Variants in CRYBG1 observed in about 807,000 individuals in gnomAD.
CRYBG1 encodes crystallin beta-gamma domain containing 1, also known as beta/gamma crystallin domain-containing protein 1.
CRYBG1 carries 139 observed loss-of-function variants against 189.2 expected under a neutral mutation model. That is an observed-to-expected ratio of 0.73 (90% CI 0.64 to 0.85). The LOEUF (loss-of-function observed/expected upper bound fraction) is 0.85, where lower values mean the gene tolerates loss of function less well. CRYBG1 is among the 40% of genes least tolerant of loss of function. The pLI is 0.00. For missense variants in CRYBG1, 2,611 were observed against 2,675.8 expected (o/e 0.98, Z 0.53); for synonymous variants, 1,023 against 1,017.1 (o/e 1.01, Z -0.11).
At position 106,392,422 on chromosome 6, in the gene CRYBG1, CAAAT is replaced by C. The variant is rs1364679062; in HGVS notation, c.173+31345_173+31348del. On this transcript the variant is annotated intron_variant, in intron 1 of 21. Transcript: ENST00000633556. Reference sequence around the variant, plus strand: ...ATGTCAGGACAGAAAAATAACAAGACAAATAAAGAATCAGAGTAAAGAGGCAGCA... The same window carrying C: ...ATGTCAGGACAGAAAAATAACAAGACAAAGAATCAGAGTAAAGAGGCAGCA... 1.2e-4 allele frequency among the ~76,000 whole-genome samples: 18 copies of C among 152,060 alleles called. No individual in the cohort carries two copies. The East Asian group carries it at 3.3e-3, about 28-fold the overall frequency.
rs144133205 is a variant in CRYBG1, at chr6:106,520,359, C to T, written c.3151C>T (p.Leu1051=). The T allele has an allele frequency of 2.5e-6, 4 of 1,614,124 alleles. No individual in the cohort carries two copies. The highest frequency in any genetic ancestry group is 3.3e-5 in the Admixed American group (2 of 60,014). ...QAQSQGSRTP[L]MAESSPTNSP... ...TCAAAGTCAGGGCAGCAGAACACCC[C>T]TGATGGCTGAATCCAGTCCCACCAA... Residue 1051 remains leucine (L), a synonymous_variant, in exon 4 of 22, where the codon CTG becomes TTG. Coordinates refer to ENST00000633556, the MANE Select transcript of CRYBG1 (RefSeq NM_001371242.2).
At chr6:106,429,824 C>A (rs1044287617) in intron 1 of CRYBG1, among the ~76,000 whole-genome samples, 1 of 152,170 alleles carries the variant, frequency 6.6e-6, no homozygotes. Context: ...AAAATGCATA[C>A]TTAGCACAGT....
At chr6:106,488,168 C>T (rs570622243) in intron 2 of CRYBG1, among the ~76,000 whole-genome samples, 1 of 152,268 alleles carries the variant, frequency 6.6e-6, no homozygotes, top group African/African-American at 2.4e-5. Flanking sequence ...GGGCACTAAG[C>T]TGGTTGTTTG....
chr6:106,498,100 TAAA>T (rs11295015), intron 2 of CRYBG1, among the ~76,000 whole-genome samples: 10 of 123,376 alleles, frequency 8.1e-5, no homozygotes, highest in African/African-American at 1.5e-4. Context: ...GACTCCGTCT[TAAA>T]AAAAAAAAAA....
intron 21 of CRYBG1, among the ~76,000 whole-genome samples, 186 bp from the exon 22 acceptor site, chr6:106,568,286 A>C (rs1277546310): frequency 6.6e-6 from 1 of 152,176 alleles, no homozygotes; most frequent in East Asian, 1.9e-4. Context: ...AGATTCACCC[A>C]TGGCAGGTTG....
chr6:106,381,419 T>C (rs1002519759), intron 1 of CRYBG1, among the ~76,000 whole-genome samples: 4 of 152,054 alleles, frequency 2.6e-5, no homozygotes, highest in Non-Finnish European at 5.9e-5. Flanking sequence ...CTTTCAACCA[T>C]GAATTCTAAG....
chr6:106,361,131 TCTC>T lies in CRYBG1; in HGVS notation c.173+53_173+55del. 2.7e-6 allele frequency: 4 copies of T among 1,503,180 alleles called. No homozygotes were observed. The South Asian group carries it at 3.8e-5, about 14-fold the overall frequency. The allele number at this position is 1,503,180 out of a possible 1,614,324, so 93.1% of individuals were successfully genotyped here. A position where few individuals can be genotyped will look rare whatever the true frequency, so the allele number is the denominator to read the frequency against. ...AGTCCCACCTCCTCCTCCTCCTCCT[TCTC>T]CTGCTGCGCTAGCCCTTGGACTCCT... On this transcript the variant is annotated intron_variant, in intron 1 of 21. Coordinates refer to ENST00000633556, the MANE Select transcript of CRYBG1 (RefSeq NM_001371242.2).
At chr6:106,365,616 G>T (rs1173212142) in intron 1 of CRYBG1, among the ~76,000 whole-genome samples, 1 of 150,562 alleles carries the variant, frequency 6.6e-6, no homozygotes, top group Non-Finnish European at 1.5e-5. Context: ...ATTAGAAGTG[G>T]GTCCTTAGCT....
intron 2 of CRYBG1, among the ~76,000 whole-genome samples, chr6:106,456,783 C>T (rs945029606): frequency 1.3e-5 from 2 of 152,122 alleles, no homozygotes; most frequent in South Asian, 2.1e-4. Context: ...AATCTCACCT[C>T]GTTTCTTAGA....
intron 1 of CRYBG1, among the ~76,000 whole-genome samples, chr6:106,378,888 G>T (rs957772032): frequency 6.6e-5 from 10 of 152,140 alleles, no homozygotes; most frequent in Admixed American, 6.5e-4. Context: ...GGTGGCTCAT[G>T]CCTATAATCC....
At chr6:106,385,967 T>G (rs1156947361) in intron 1 of CRYBG1, among the ~76,000 whole-genome samples, 1 of 152,182 alleles carries the variant, frequency 6.6e-6, no homozygotes, top group African/African-American at 2.4e-5. Flanking sequence ...CTGTTCTTGG[T>G]GTTCACATTA....
intron 1 of CRYBG1, among the ~76,000 whole-genome samples, chr6:106,371,204 A>G (rs1770018837): frequency 1.3e-5 from 2 of 152,218 alleles, no homozygotes; most frequent in Non-Finnish European, 2.9e-5. Flanking sequence ...ATAATTTGTC[A>G]CTTAAATGTT....
At chr6:106,559,383 A>G (rs1400799178) in intron 18 of CRYBG1, among the ~76,000 whole-genome samples, 1 of 152,230 alleles carries the variant, frequency 6.6e-6, no homozygotes, top group East Asian at 1.9e-4. Flanking sequence ...AGTACCATCA[A>G]TGTAATACAT....
At chr6:106,508,066 G>A (rs1286864121) in intron 2 of CRYBG1, among the ~76,000 whole-genome samples, 1 of 152,206 alleles carries the variant, frequency 6.6e-6, no homozygotes, top group Non-Finnish European at 1.5e-5. Flanking sequence ...GGGCAACATG[G>A]TGAAACTCTC....
rs946842057 is a variant in CRYBG1 at position 106,375,015 on chromosome 6, TG to T, written c.173+13942del. Reference sequence around the variant, plus strand: ...TTTTATTTTGAATGACATATTGAGGTGGGGGGGGCATAACCTTTTTGATGGT... The same window carrying T: ...TTTTATTTTGAATGACATATTGAGGTGGGGGGGCATAACCTTTTTGATGGT... On this transcript the variant is annotated intron_variant, in intron 1 of 21. Coordinates refer to ENST00000633556, the MANE Select transcript of CRYBG1 (RefSeq NM_001371242.2). 2.8e-3 allele frequency among the ~76,000 whole-genome samples: 426 copies of T among 151,682 alleles called. 2 individuals are homozygous for T. Among genetic ancestry groups the T allele is most frequent in the African/African-American group, 7.0e-3 (289 of 41,350 alleles).
intron 2 of CRYBG1, among the ~76,000 whole-genome samples, chr6:106,495,916 A>C (rs950764793): frequency 1.3e-5 from 2 of 151,644 alleles, no homozygotes; most frequent in Non-Finnish European, 2.9e-5. Context: ...TAGTAGGGAA[A>C]TATTGCTTTG....
chr6:106,385,543 A>G (rs551759162), intron 1 of CRYBG1, among the ~76,000 whole-genome samples: 1 of 152,366 alleles, frequency 6.6e-6, no homozygotes, highest in African/African-American at 2.4e-5. Context: ...AGACTTGAAT[A>G]GTTCTGCAGA....
chr6:106,460,742 C>T (rs1044357920), intron 2 of CRYBG1, among the ~76,000 whole-genome samples: 1 of 152,276 alleles, frequency 6.6e-6, no homozygotes, highest in Middle Eastern at 3.4e-3. Flanking sequence ...CTCTCACTCA[C>T]TCCAGTTCTG....
chr6:106,435,584 A>G lies in CRYBG1; in HGVS notation c.174-16110A>G, dbSNP rs747851779. On this transcript the variant is annotated intron_variant, in intron 1 of 21. Coordinates refer to ENST00000633556, the MANE Select transcript of CRYBG1 (RefSeq NM_001371242.2). Reference sequence around the variant, plus strand: ...CTCTGCAGTATTGTTTTCCTTGCAAATTTAATTAATTAATTAATTATATTT... The same window carrying G: ...CTCTGCAGTATTGTTTTCCTTGCAAGTTTAATTAATTAATTAATTATATTT... Among the ~76,000 whole-genome samples the G allele has an allele frequency of 3.4e-5, 5 of 149,134 alleles. No individual in the cohort carries two copies. The Admixed American group carries it at 3.4e-4, about 10-fold the overall frequency.
Sources: gnomAD v4.1 joint callset for allele counts (sites outside exome capture counted in the v4.1 genomes callset) on GRCh38, gnomAD v4.1.1 for gene constraint, MANE v1.5 for transcripts, NCBI Gene and HGNC (gene_info 2026-07-23, HGNC 2026-07-21) for gene names.